PCSK5: variants seen among roughly 807,000 people sequenced by gnomAD.
The protein encoded by PCSK5 is prohormone convertase 5.
In PCSK5, 129 loss-of-function variants were observed where a neutral mutation model predicts 233.2. That is an observed-to-expected ratio of 0.55 (90% CI 0.48 to 0.64). The LOEUF is 0.64. Among genes scored for constraint, PCSK5 ranks in the 30% least tolerant of loss-of-function variants. PCSK5 has a pLI of 0.00. For missense variants in PCSK5, 2,076 were observed against 2,430.1 expected, an observed-to-expected ratio of 0.85 and a Z score of 3.06; for synonymous variants, 825 against 879.2, an observed-to-expected ratio of 0.94 and a Z score of 1.09.
intron 20 of PCSK5, among the ~76,000 whole-genome samples, chr9:76,191,266 T>C (rs1824364610): frequency 6.6e-6 from 1 of 152,152 alleles, no homozygotes; most frequent in South Asian, 2.1e-4. Context: ...CTGCCCTAGG[T>C]TTATTCTTTC....
chr9:76,252,128 A>G (rs1234744390), intron 24 of PCSK5, among the ~76,000 whole-genome samples: 2 of 151,598 alleles, frequency 1.3e-5, no homozygotes, highest in Non-Finnish European at 2.9e-5. Context: ...TTAGCCGGGC[A>G]TGGTGGCGGG....
intron 24 of PCSK5, among the ~76,000 whole-genome samples, chr9:76,276,547 T>C (rs540636672): frequency 3.9e-5 from 6 of 152,330 alleles, no homozygotes. Flanking sequence ...ACTGGCCTTC[T>C]TGATGTTCCT....
chr9:76,139,240 A>T (rs1390470686), intron 10 of PCSK5, among the ~76,000 whole-genome samples: 1 of 152,128 alleles, frequency 6.6e-6, no homozygotes, highest in Non-Finnish European at 1.5e-5. Context: ...TCAAAATGAA[A>T]GGTTTTGAAA....
chr9:75,896,725 C>T (rs1013289792), intron 1 of PCSK5, among the ~76,000 whole-genome samples: 5 of 151,598 alleles, frequency 3.3e-5, no homozygotes, highest in Non-Finnish European at 5.9e-5. Context: ...CATATATACA[C>T]ATATACTTAT....
chr9:76,078,120 A>G (rs1213437695), intron 7 of PCSK5, among the ~76,000 whole-genome samples: 4 of 152,068 alleles, frequency 2.6e-5, no homozygotes, highest in Non-Finnish European at 4.4e-5. Context: ...TCTTTTGCGC[A>G]TTTGTTAATG....
At chr9:76,061,031 CT>C (rs931409036) in intron 5 of PCSK5, among the ~76,000 whole-genome samples, 1 of 151,980 alleles carries the variant, frequency 6.6e-6, no homozygotes, top group African/African-American at 2.4e-5. Context: ...CACTAAATAT[CT>C]TTTTTTAACT....
At chr9:75,968,339 T>C (rs1164216878) in intron 2 of PCSK5, among the ~76,000 whole-genome samples, 1 of 152,218 alleles carries the variant, frequency 6.6e-6, no homozygotes, top group African/African-American at 2.4e-5. Flanking sequence ...AGGGTCCTGT[T>C]ATATCGCTCG....
chr9:76,262,303 G>C (rs891731060), intron 24 of PCSK5, among the ~76,000 whole-genome samples: 1 of 152,152 alleles, frequency 6.6e-6, no homozygotes, highest in African/African-American at 2.4e-5. Flanking sequence ...AACCAAAAAA[G>C]AGCATGCATC....
At chr9:76,064,305 G>T (rs1386880321) in intron 5 of PCSK5, among the ~76,000 whole-genome samples, 2,430 of 90,162 alleles carry the variant, frequency 0.027, 63 homozygotes, top group South Asian at 0.044. Context: ...CAGTAGGGGC[G>T]GCCGGGCAGA....
At chr9:76,351,533 G>GAGAAAGAAAGAAAGA (rs1830156843) in intron 36 of PCSK5, among the ~76,000 whole-genome samples, 4 of 15,824 alleles carry the variant, frequency 2.5e-4, no homozygotes, top group Non-Finnish European at 8.1e-4. Context: ...AGAAAGAAAG[G>GAGAAAGAAAGAAAGA]AAGGAAAGAA....
chr9:76,019,765 T>C (rs1828101897), intron 3 of PCSK5, among the ~76,000 whole-genome samples: 1 of 152,204 alleles, frequency 6.6e-6, no homozygotes, highest in African/African-American at 2.4e-5. Context: ...GAAAAGGCCA[T>C]TTCTTGAACT....
At chr9:75,991,323 G>A (rs1035744089) in intron 3 of PCSK5, among the ~76,000 whole-genome samples, 3 of 152,062 alleles carry the variant, frequency 2.0e-5, no homozygotes, top group Non-Finnish European at 2.9e-5. Flanking sequence ...TATTTCTGGC[G>A]AGTTTCCAAT....
chr9:76,151,230 G>C (rs1232776660), intron 10 of PCSK5, among the ~76,000 whole-genome samples: 1 of 152,190 alleles, frequency 6.6e-6, no homozygotes. Flanking sequence ...AAAGGTGCTA[G>C]GACTGCAACA....
chr9:75,974,908 T>A (rs2131371290), intron 2 of PCSK5, among the ~76,000 whole-genome samples: 1 of 152,330 alleles, frequency 6.6e-6, no homozygotes, highest in African/African-American at 2.4e-5. Flanking sequence ...ATATTTATCT[T>A]GTAACAACAG....
chr9:76,118,491 C>G (rs2131708216), intron 9 of PCSK5, among the ~76,000 whole-genome samples: 1 of 152,004 alleles, frequency 6.6e-6, no homozygotes, highest in South Asian at 2.1e-4. Flanking sequence ...GATTGAGAGC[C>G]TTTTTCATCA....
intron 33 of PCSK5, among the ~76,000 whole-genome samples, chr9:76,329,084 G>A (rs940763470): frequency 2.0e-5 from 3 of 150,990 alleles, no homozygotes; most frequent in African/African-American, 4.9e-5. Flanking sequence ...CTCCCAAAGT[G>A]CTGGGATTAC....
chr9:76,321,402 ACT>A lies in PCSK5; in HGVS notation c.3885-17_3885-16del, dbSNP rs1484220926. 1 of 1,330,396 alleles carries A rather than the reference ACT, an allele frequency of 7.5e-7. No individual in the cohort carries two copies. The highest frequency in any genetic ancestry group is 1.1e-6 in the Non-Finnish European group (1 of 923,386). The allele number at this position is 1,330,396 out of a possible 1,614,324, so 82.4% of individuals were successfully genotyped here. Reference sequence around the variant, plus strand: ...CCAGCAGGTCAGCTTCTCCAGTTGCACTCTGTCTTCCTTCCACAGGGGCTCTT... The same window carrying A: ...CCAGCAGGTCAGCTTCTCCAGTTGCACTGTCTTCCTTCCACAGGGGCTCTT... On this transcript the variant is annotated intron_variant, in intron 30 of 37. Transcript: ENST00000674117.
chr9:76,299,597 A>G (rs934634663), intron 27 of PCSK5, among the ~76,000 whole-genome samples: 2 of 152,170 alleles, frequency 1.3e-5, no homozygotes, highest in African/African-American at 4.8e-5. Flanking sequence ...ACTTGAACCC[A>G]GGAGGCAGAG....
intron 1 of PCSK5, among the ~76,000 whole-genome samples, chr9:75,931,248 CTT>C (rs3074142): frequency 0.023 from 3,037 of 130,424 alleles, 41 homozygotes; most frequent in Admixed American, 0.046. Context: ...TGGGCCAAGA[CTT>C]TTTTTTTTTT....
Sources: allele counts gnomAD v4.1 joint callset (sites outside exome capture counted in the v4.1 genomes callset), GRCh38; gene constraint gnomAD v4.1.1; transcripts MANE v1.5; gene names NCBI Gene and HGNC (gene_info 2026-07-23, HGNC 2026-07-21).